Variants in UBN2 observed in about 807,000 individuals in gnomAD.
The protein encoded by UBN2 is ubinuclein 2.
In UBN2, 35 loss-of-function variants were observed where a neutral mutation model predicts 120.2. That is an observed-to-expected ratio of 0.29 (90% CI 0.22 to 0.39). UBN2 has a LOEUF of 0.39. Ranked by LOEUF, UBN2 falls within the 10% of genes least tolerant of loss-of-function variation. The pLI is 1.00. For missense variants in UBN2, 1,693 were observed against 1,663.2 expected (o/e 1.02, Z -0.31); for synonymous variants, 661 against 648.7 (o/e 1.02, Z -0.29).
At chr7:139,325,827 A>G in the UBN2 span, among the ~76,000 whole-genome samples, 1 of 152,162 alleles carries the variant, frequency 6.6e-6, no homozygotes, top group Non-Finnish European at 1.5e-5. Context: ...ACCTTCACAT[A>G]AAGATTGAAG....
intron 2 of UBN2, among the ~76,000 whole-genome samples, chr7:139,237,610 C>T (rs1796200514): frequency 6.6e-6 from 1 of 152,082 alleles, no homozygotes; most frequent in African/African-American, 2.4e-5. Flanking sequence ...TATATTATCT[C>T]CAATCTTTGT....
At chr7:139,293,849 C>G in intron 16 of UBN2, 40 bp from the exon 17 acceptor site, 1 of 1,589,544 alleles carries the variant, frequency 6.3e-7, no homozygotes, top group Non-Finnish European at 8.6e-7. Flanking sequence ...GGGCTCAAAT[C>G]TGGATTTAAA....
chr7:139,231,774 C>CGCCGTTCCCGCCGCT lies in UBN2; in HGVS notation c.294_308dup (p.Phe99_Pro103dup), dbSNP rs1796019376. 2.4e-6 allele frequency: 3 copies of CGCCGTTCCCGCCGCT among 1,271,992 alleles called. No homozygotes were observed. The African/African-American group carries it at 4.7e-5, about 20-fold the overall frequency. The allele number at this position is 1,271,992 out of a possible 1,614,324, so 78.8% of individuals were successfully genotyped here. A position where few individuals can be genotyped will look rare whatever the true frequency, so the allele number is the denominator to read the frequency against. On this transcript the variant is annotated inframe_insertion, in exon 1 of 18. Coordinates refer to ENST00000473989, the MANE Select transcript of UBN2 (RefSeq NM_173569.4). ...GAGCCCCCGCGGCCCGAGCCGCCGC[C>CGCCGTTCCCGCCGCT]GCCGTTCCCGCCGCTGCCCTTGCAG...
At chr7:139,274,261 G>A (rs1021423164) in intron 11 of UBN2, among the ~76,000 whole-genome samples, 187 bp downstream of exon 11, 5 of 152,030 alleles carry the variant, frequency 3.3e-5, no homozygotes, top group Non-Finnish European at 7.4e-5. Context: ...AAACAGTCGC[G>A]CACACAGAGA....
In UBN2 at chr7:139,270,932, C is replaced by T. The variant is rs140995163; in HGVS notation, c.1597-1390C>T. Among the ~76,000 whole-genome samples, 269 of 151,936 alleles carry T rather than the reference C, an allele frequency of 1.8e-3. 1 individual carries two copies. Among genetic ancestry groups the T allele is most frequent in the African/African-American group, 6.0e-3 (249 of 41,424 alleles). Reference sequence around the variant, plus strand: ...GATAATTTTGTATTTTTAGTAGAGACGGGATTTCTCCATGTTTAGTAGAGA... The same window carrying T: ...GATAATTTTGTATTTTTAGTAGAGATGGGATTTCTCCATGTTTAGTAGAGA... On this transcript the variant is annotated intron_variant, in intron 8 of 17. Coordinates refer to ENST00000473989, the MANE Select transcript of UBN2 (RefSeq NM_173569.4).
At chr7:139,264,701 G>A (rs1410311264) in intron 6 of UBN2, among the ~76,000 whole-genome samples, 1 of 152,090 alleles carries the variant, frequency 6.6e-6, no homozygotes, top group African/African-American at 2.4e-5. Flanking sequence ...CAATTCTCCT[G>A]CCTCAGCCTC....
chr7:139,311,284 G>A (rs979687285), downstream of UBN2, among the ~76,000 whole-genome samples: 4 of 152,098 alleles, frequency 2.6e-5, no homozygotes, highest in Non-Finnish European at 5.9e-5. Context: ...AGAAAACATC[G>A]GGCCTCCATA....
intron 15 of UBN2, among the ~76,000 whole-genome samples, chr7:139,288,177 A>T (rs1797844707): frequency 6.6e-6 from 1 of 152,234 alleles, no homozygotes; most frequent in East Asian, 1.9e-4. Context: ...CTGGGGATAT[A>T]GGGATGAACA....
intron 15 of UBN2, among the ~76,000 whole-genome samples, chr7:139,289,442 T>TCGA (rs1489710733): frequency 6.7e-6 from 1 of 148,666 alleles, no homozygotes; most frequent in Non-Finnish European, 1.5e-5. Context: ...AGACAGGGTC[T>TCGA]CACTCTGTTG....
chr7:139,326,442 G>A, the UBN2 span, among the ~76,000 whole-genome samples: 19 of 152,190 alleles, frequency 1.2e-4, no homozygotes, highest in East Asian at 3.7e-3. Flanking sequence ...CCCCAGCCCT[G>A]GCTTTATTTT....
intron 1 of UBN2, among the ~76,000 whole-genome samples, chr7:139,232,383 A>T (rs1054449151): frequency 6.6e-6 from 1 of 152,258 alleles, no homozygotes; most frequent in African/African-American, 2.4e-5. Context: ...AGTCTGAAGC[A>T]GAGATTGTGT....
chr7:139,239,437 C>T (rs1477717727), intron 2 of UBN2, among the ~76,000 whole-genome samples: 1 of 151,750 alleles, frequency 6.6e-6, no homozygotes, highest in Admixed American at 6.6e-5. Context: ...AAGTTTATCT[C>T]TAGGAGAGAT....
chr7:139,314,603 A>G, the UBN2 span, among the ~76,000 whole-genome samples: 57 of 152,056 alleles, frequency 3.7e-4, 1 homozygote, highest in African/African-American at 1.4e-3. Flanking sequence ...GTCCTGCCTC[A>G]GCCTCCCAAG....
At chr7:139,274,123 G>T (rs1406013913) in intron 11 of UBN2, 49 bp downstream of exon 11, 3 of 1,517,854 alleles carry the variant, frequency 2.0e-6, no homozygotes, top group Non-Finnish European at 2.6e-6. Context: ...TATTATTGCT[G>T]TTATTAAAGA....
chr7:139,266,788 T>C (rs1487424183), intron 7 of UBN2, among the ~76,000 whole-genome samples: 6 of 152,190 alleles, frequency 3.9e-5, no homozygotes, highest in African/African-American at 1.4e-4. Flanking sequence ...GGAATAGTAA[T>C]TCCGTTGATA....
intron 2 of UBN2, among the ~76,000 whole-genome samples, chr7:139,242,624 G>A (rs2130939938): frequency 6.6e-6 from 1 of 152,316 alleles, no homozygotes; most frequent in African/African-American, 2.4e-5. Context: ...CTTTATTGCA[G>A]TTACCCATTC....
downstream of UBN2, among the ~76,000 whole-genome samples, chr7:139,310,474 T>C (rs1055619351): frequency 5.3e-5 from 8 of 152,182 alleles, no homozygotes; most frequent in Admixed American, 3.3e-4. Context: ...GTTTGTAATA[T>C]AAACTTAGCA....
chr7:139,237,157 T>A, intron 2 of UBN2, 60 bp downstream of exon 2: 1 of 1,287,350 alleles, frequency 7.8e-7, no homozygotes, highest in South Asian at 1.3e-5. Flanking sequence ...TTGCTTTCTG[T>A]GGCTGGTTGG....
intron 1 of UBN2, among the ~76,000 whole-genome samples, chr7:139,232,517 G>A (rs1421673360): frequency 6.6e-6 from 1 of 152,196 alleles, no homozygotes; most frequent in African/African-American, 2.4e-5. Flanking sequence ...ATAATTAAAG[G>A]TTTTCAGAGA....
Sources: gnomAD v4.1 joint callset for allele counts (sites outside exome capture counted in the v4.1 genomes callset) on GRCh38, gnomAD v4.1.1 for gene constraint, MANE v1.5 for transcripts, NCBI Gene and HGNC (gene_info 2026-07-23, HGNC 2026-07-21) for gene names.